The following CYP3A43 variants were observed in gnomAD, a reference collection of about 807,000 sequenced individuals.
CYP3A43 encodes cytochrome P450 3A43.
A neutral mutation model predicts 58.0 loss-of-function variants in CYP3A43; 45 were observed. The observed-to-expected ratio is 0.78, with a 90% CI of 0.61 to 0.99. CYP3A43 has a LOEUF of 0.99. CYP3A43 is among the 50% of genes least tolerant of loss of function. The probability of loss-of-function intolerance (pLI) is 0.00; values close to 1 mark genes in which losing one functional copy is unlikely to be tolerated. For synonymous variants in CYP3A43, 191 were observed against 201.4 expected (o/e 0.95, Z 0.44); for missense variants, 593 against 591.9 (o/e 1.00, Z -0.02).
intron 3 of CYP3A43, among the ~76,000 whole-genome samples, chr7:99,843,686 G>C (rs931161472): frequency 6.6e-6 from 1 of 151,866 alleles, no homozygotes; most frequent in African/African-American, 2.4e-5. Flanking sequence ...GGCTTGTCTC[G>C]AACTCCTGAC....
chr7:99,834,682 A>C (rs1816992566), intron 1 of CYP3A43, among the ~76,000 whole-genome samples: 1 of 152,188 alleles, frequency 6.6e-6, no homozygotes, highest in Admixed American at 6.5e-5. Context: ...GCATTTCTTC[A>C]ATAGAGTTTT....
chr7:99,831,549 C>A (rs1473384919), intron 1 of CYP3A43, among the ~76,000 whole-genome samples: 1 of 152,218 alleles, frequency 6.6e-6, no homozygotes, highest in Non-Finnish European at 1.5e-5. Context: ...GGGATGCAGC[C>A]TCTCTTTTTC....
intron 1 of CYP3A43, among the ~76,000 whole-genome samples, chr7:99,831,906 C>T (rs551605630): frequency 1.1e-4 from 16 of 152,286 alleles, no homozygotes; most frequent in Admixed American, 2.0e-4. Context: ...ATTCAGAGAA[C>T]ATATAGGTCA....
intron 1 of CYP3A43, among the ~76,000 whole-genome samples, chr7:99,832,153 G>T (rs1404272890): frequency 1.3e-5 from 2 of 151,902 alleles, no homozygotes; most frequent in African/African-American, 4.8e-5. Context: ...ACACCTCTGA[G>T]AAAACAGGAA....
chr7:99,845,956 T>C (rs772128070), intron 4 of CYP3A43, among the ~76,000 whole-genome samples: 4 of 151,892 alleles, frequency 2.6e-5, no homozygotes, highest in Non-Finnish European at 4.4e-5. Flanking sequence ...GGGGTATTTT[T>C]AGTAGATACG....
chr7:99,846,771 T>C (rs537070431), intron 4 of CYP3A43, among the ~76,000 whole-genome samples: 14 of 152,362 alleles, frequency 9.2e-5, no homozygotes, highest in African/African-American at 3.4e-4. Context: ...GTTTCTCTTT[T>C]TCCTAGTTTG....
chr7:99,848,027 G>T, intron 5 of CYP3A43, 139 bp from the exon 6 acceptor site: 1 of 824,054 alleles, frequency 1.2e-6, no homozygotes, highest in Non-Finnish European at 1.9e-6. Context: ...AAAGGGGCAG[G>T]GGGCGGTCTT....
At chr7:99,832,472 T>C (rs1816884448) in intron 1 of CYP3A43, among the ~76,000 whole-genome samples, 1 of 131,944 alleles carries the variant, frequency 7.6e-6, no homozygotes, top group African/African-American at 2.9e-5. Context: ...TTCTCACTCA[T>C]AGGTGGGAAT....
chr7:99,865,103 G>C (rs1437903735), intron 12 of CYP3A43, among the ~76,000 whole-genome samples: 1 of 148,358 alleles, frequency 6.7e-6, no homozygotes, highest in Admixed American at 6.6e-5. Flanking sequence ...ACAGACAGGG[G>C]CTCAACTCTG....
At chr7:99,857,726 C>A (rs1242793901) in intron 9 of CYP3A43, among the ~76,000 whole-genome samples, 2 of 152,012 alleles carry the variant, frequency 1.3e-5, no homozygotes, top group African/African-American at 2.4e-5. Context: ...ACCTGTAATC[C>A]CAGCTATTTG....
rs182284027 is a variant in CYP3A43, at chr7:99,836,984, G to C, written c.165+438G>C. Among the ~76,000 whole-genome samples the C allele has an allele frequency of 4.6e-5, 7 of 152,142 alleles. No homozygotes were observed. In the East Asian group the frequency reaches 1.4e-3, roughly 29 times the overall value. On this transcript the variant is annotated intron_variant, in intron 2 of 12. Transcript: ENST00000354829. ...TCACCAAGAGCTTTAGTAAGCTTTTGTTTCCTTCCTCCTGTAGAGCTTTGA... is the reference window on the plus strand; with the variant it reads ...TCACCAAGAGCTTTAGTAAGCTTTTCTTTCCTTCCTCCTGTAGAGCTTTGA...
chr7:99,831,861 T>G (rs1816855291), intron 1 of CYP3A43, among the ~76,000 whole-genome samples: 1 of 152,160 alleles, frequency 6.6e-6, no homozygotes, highest in African/African-American at 2.4e-5. Context: ...GCCTTGAAAT[T>G]TATTCTTTAG....
chr7:99,833,778 T>G (rs114193646), intron 1 of CYP3A43, among the ~76,000 whole-genome samples: 2,815 of 152,338 alleles, frequency 0.018, 85 homozygotes, highest in African/African-American at 0.063. Context: ...GATATCTGGT[T>G]AATGCCACAA....
intron 9 of CYP3A43, 54 bp from the exon 10 acceptor site, chr7:99,859,776 C>G (rs530874718): frequency 5.0e-6 from 8 of 1,604,222 alleles, no homozygotes; most frequent in Non-Finnish European, 6.8e-6. Context: ...TTCATCTAAA[C>G]TGTGATGCTC....
chr7:99,855,825 G>A, intron 8 of CYP3A43, 107 bp downstream of exon 8: 1 of 1,296,924 alleles, frequency 7.7e-7, no homozygotes, highest in Non-Finnish European at 1.1e-6. Flanking sequence ...GGCAGCTAGA[G>A]AACTTTAGAC....
At chr7:99,855,414 C>CGT in intron 7 of CYP3A43, 177 bp from the exon 8 acceptor site, 4 of 712,480 alleles carry the variant, frequency 5.6e-6, no homozygotes, top group Admixed American at 6.6e-5. Flanking sequence ...CTTGCTCAGC[C>CGT]ATTGGCATGG....
chr7:99,839,549 CACA>C (rs1817246781), intron 3 of CYP3A43: 4 of 424,376 alleles, frequency 9.4e-6, no homozygotes, highest in African/African-American at 8.2e-5. Flanking sequence ...GCCACATTCC[CACA>C]ACAATAGCAA....
chr7:99,863,780 ATTTTT>A, intron 12 of CYP3A43, 81 bp downstream of exon 12: 4 of 1,157,530 alleles, frequency 3.5e-6, no homozygotes, highest in Non-Finnish European at 3.4e-6. Flanking sequence ...ATTATTGTTC[ATTTTT>A]CAATAATTTG....
intron 7 of CYP3A43, among the ~76,000 whole-genome samples, chr7:99,855,199 A>G (rs1817925073): frequency 6.6e-6 from 1 of 152,144 alleles, no homozygotes; most frequent in Admixed American, 6.6e-5. Flanking sequence ...GTTGAAGGAC[A>G]TTTGCCGTAT....
Sources: allele counts gnomAD v4.1 joint callset (sites outside exome capture counted in the v4.1 genomes callset), GRCh38; gene constraint gnomAD v4.1.1; transcripts MANE v1.5; gene names NCBI Gene and HGNC (gene_info 2026-07-23, HGNC 2026-07-21).